The following DENND6A variants were observed in gnomAD, a reference collection of about 807,000 sequenced individuals.
The protein encoded by DENND6A is DENN domain containing 6A.
A neutral mutation model predicts 95.5 loss-of-function variants in DENND6A; 43 were observed. The ratio of observed to expected loss-of-function variants is 0.45; its 90% CI spans 0.35 to 0.58. DENND6A has a LOEUF of 0.58. Ranked by LOEUF, DENND6A falls within the 20% of genes least tolerant of loss-of-function variation. The pLI is 0.00. For synonymous variants in DENND6A, 257 were observed against 260.4 expected (o/e 0.99, Z 0.13); for missense variants, 574 against 736.0 (o/e 0.78, Z 2.55).
At chr3:57,639,394 A>C (rs1282034911) in intron 12 of DENND6A, among the ~76,000 whole-genome samples, 1 of 152,192 alleles carries the variant, frequency 6.6e-6, no homozygotes, top group Non-Finnish European at 1.5e-5. Context: ...TGCTCTACCA[A>C]TGATTTTGTG....
At chr3:57,666,956 T>C (rs1011030968) in intron 3 of DENND6A, among the ~76,000 whole-genome samples, 4 of 152,262 alleles carry the variant, frequency 2.6e-5, no homozygotes, top group Admixed American at 6.5e-5. Flanking sequence ...TTTCTGATGA[T>C]TCACTGAAAA....
chr3:57,680,387 A>C (rs1231116865), intron 1 of DENND6A, among the ~76,000 whole-genome samples: 1 of 152,252 alleles, frequency 6.6e-6, no homozygotes, highest in African/African-American at 2.4e-5. Flanking sequence ...GAGGCGATCA[A>C]GTCGTGAGGG....
Position 57,663,497 on chromosome 3 carries a change from T to TATATATATAC in DENND6A, c.513+138_513+139insGTATATATAT, listed in dbSNP as rs762391000. The TATATATATAC allele has an allele frequency of 2.1e-4, 32 of 150,036 alleles. No homozygotes were observed. In the South Asian group the frequency reaches 2.3e-3, roughly 11 times the overall value. The allele number at this position is 150,036 out of a possible 1,614,324, so 9.3% of individuals were successfully genotyped here. The stretch of plus-strand genomic sequence containing the variant: ...AAAAAAAAAAAAAAAAATATATATA[T>TATATATATAC]ACACACACACACACACATATATATA... On this transcript the variant is annotated intron_variant, in intron 5 of 19. Transcript: ENST00000311128.
rs752407190 is a variant in DENND6A, at chr3:57,628,232, G to A, written c.1809C>T (p.Leu603=). Residue 603 remains leucine (L), a synonymous_variant, in exon 20 of 20, where the codon CTC becomes CTT. Transcript: ENST00000311128. ...GCAAATATCATGTCATGCCCGTTTT[G>A]AGCAGTATGCCTTGCAAGTCCTCTG... is the stretch of plus-strand genomic sequence containing the variant. The part of the protein sequence containing the change: ...ALPEDLQGIL[L]KTGMT The A allele has an allele frequency of 1.9e-6, 3 of 1,613,318 alleles. No homozygotes were observed. Among genetic ancestry groups the A allele is most frequent in the Non-Finnish European group, 2.5e-6 (3 of 1,179,800 alleles).
intron 1 of DENND6A, 98 bp downstream of exon 1, chr3:57,692,684 G>T: frequency 8.7e-7 from 1 of 1,150,832 alleles, no homozygotes; most frequent in Non-Finnish European, 1.1e-6. Context: ...ATGCGCCGCG[G>T]ACAGGGTCCT....
chr3:57,691,010 A>G (rs1300080820), intron 1 of DENND6A, among the ~76,000 whole-genome samples: 1 of 152,252 alleles, frequency 6.6e-6, no homozygotes, highest in Non-Finnish European at 1.5e-5. Flanking sequence ...ATGGAAAATG[A>G]AATTCAAAAT....
chr3:57,636,946 A>G (rs990909075), intron 12 of DENND6A, among the ~76,000 whole-genome samples: 3 of 151,860 alleles, frequency 2.0e-5, no homozygotes, highest in African/African-American at 7.3e-5. Flanking sequence ...CAAAAAAAAA[A>G]AAAAAAAAAA....
At chr3:57,658,385 C>T (rs2071366308) in intron 8 of DENND6A, among the ~76,000 whole-genome samples, 1 of 152,108 alleles carries the variant, frequency 6.6e-6, no homozygotes, top group Non-Finnish European at 1.5e-5. Flanking sequence ...TAAAAATTAG[C>T]CAGGCATGGT....
intron 17 of DENND6A, 39 bp downstream of exon 17, chr3:57,630,676 G>T: frequency 6.3e-7 from 1 of 1,579,664 alleles, no homozygotes; most frequent in Non-Finnish European, 8.6e-7. Context: ...TTTAAATAAA[G>T]CACGACACAT....
chr3:57,666,164 G>A lies in DENND6A; in HGVS notation c.391C>T (p.Leu131Phe). Residue 131 changes from leucine (L) to phenylalanine (F), a missense_variant, in exon 4 of 20, where the codon CTC becomes TTC. Transcript: ENST00000311128. ...SSGRRVSLHCLLDQFDKDLPV... is the reference protein window; with the variant it reads ...SSGRRVSLHCFLDQFDKDLPV... ...AAATCTTTGTCAAATTGATCCAGGA[G>A]ACAATGCAGCGACACCCTCCTCCCA... 1 of 1,613,872 alleles carries A rather than the reference G, an allele frequency of 6.2e-7. No homozygotes were observed.
intron 15 of DENND6A, 46 bp downstream of exon 15, chr3:57,633,219 C>T (rs1448896612): frequency 1.3e-6 from 2 of 1,485,208 alleles, no homozygotes; most frequent in East Asian, 2.3e-5. Flanking sequence ...TTTATATACC[C>T]TTCACCAAAT....
intron 1 of DENND6A, among the ~76,000 whole-genome samples, chr3:57,684,643 G>C (rs1349268945): frequency 6.6e-6 from 1 of 152,046 alleles, no homozygotes; most frequent in Non-Finnish European, 1.5e-5. Flanking sequence ...AAGTAGCCAG[G>C]CATGTTGGTA....
chr3:57,635,095 C>T (rs941256274), intron 12 of DENND6A, among the ~76,000 whole-genome samples: 10 of 152,054 alleles, frequency 6.6e-5, no homozygotes, highest in Non-Finnish European at 7.4e-5. Flanking sequence ...ATACATAAAA[C>T]TGAAAATTTA....
chr3:57,672,332 A>G (rs2071632234), intron 2 of DENND6A, 34 bp from the exon 3 acceptor site: 2 of 1,607,136 alleles, frequency 1.2e-6, no homozygotes, highest in African/African-American at 2.7e-5. Flanking sequence ...GTATGCTGAC[A>G]CATACATAAT....
chr3:57,684,848 G>C (rs536139037), intron 1 of DENND6A, among the ~76,000 whole-genome samples: 1 of 152,146 alleles, frequency 6.6e-6, no homozygotes. Flanking sequence ...TCATGCCTGG[G>C]ATCTCAACAC....
rs766163415 is a variant in DENND6A at position 57,661,443 on chromosome 3, T to C, written c.619+3A>G. 11 of 1,559,994 alleles carry C rather than the reference T, an allele frequency of 7.1e-6. No homozygotes were observed. In the African/African-American group the frequency reaches 1.4e-4, roughly 20 times the overall value. ...CCTGCATAAAGGTATATGTTAAACT[T>C]ACCTGCTTCCAAATAAGGTTCATTC... On this transcript the variant is annotated splice_donor_region_variant and intron_variant, in intron 6 of 19. Coordinates refer to ENST00000311128, the MANE Select transcript of DENND6A (RefSeq NM_152678.3).
Position 57,626,616 on chromosome 3 carries a change from G to A in DENND6A, c.*1598C>T, listed in dbSNP as rs1358084050. 2.6e-5 allele frequency: 4 copies of A among 152,186 alleles called. No individual in the cohort carries two copies. Among genetic ancestry groups the A allele is most frequent in the African/African-American group, 9.7e-5 (4 of 41,354 alleles). The allele number at this position is 152,186 out of a possible 1,614,324, so 9.4% of individuals were successfully genotyped here. On this transcript the variant is annotated 3_prime_UTR_variant, in exon 20 of 20. Coordinates refer to ENST00000311128, the MANE Select transcript of DENND6A (RefSeq NM_152678.3). ...CCCAGCTACTCAGGAGGCTGAGGCA[G>A]GACAATCACTTGCACCCGGGAGGTG...
chr3:57,635,731 A>G (rs2070778259), intron 12 of DENND6A, among the ~76,000 whole-genome samples: 1 of 152,226 alleles, frequency 6.6e-6, no homozygotes, highest in African/African-American at 2.4e-5. Context: ...TTTTAAGAGT[A>G]TGTATTATGA....
chr3:57,687,891 C>T (rs2077225498), intron 1 of DENND6A, among the ~76,000 whole-genome samples: 1 of 147,616 alleles, frequency 6.8e-6, no homozygotes, highest in Non-Finnish European at 1.5e-5. Flanking sequence ...ATGATTGCAT[C>T]ACTGCACTCC....
Sources: gnomAD v4.1 joint callset for allele counts (sites outside exome capture counted in the v4.1 genomes callset) on GRCh38, gnomAD v4.1.1 for gene constraint, MANE v1.5 for transcripts, NCBI Gene and HGNC (gene_info 2026-07-23, HGNC 2026-07-21) for gene names.